The following PLCB4 variants were observed in gnomAD, a reference collection of about 807,000 sequenced individuals.
The protein encoded by PLCB4 is phospholipase C beta 4, also known as 1-phosphatidylinositol 4,5-bisphosphate phosphodiesterase beta-4.
PLCB4 carries 77 observed loss-of-function variants against 178.8 expected under a neutral mutation model. That is an observed-to-expected ratio of 0.43 (90% CI 0.36 to 0.52). The LOEUF is 0.52. Among genes scored for constraint, PLCB4 ranks in the 20% least tolerant of loss-of-function variants. PLCB4 has a pLI of 0.00. For synonymous variants in PLCB4, 496 were observed against 490.8 expected (o/e 1.01, Z -0.14); for missense variants, 1,024 against 1,453.4 (o/e 0.70, Z 4.80).
chr20:9,223,296 G>A (rs889490305), intron 3 of PLCB4, among the ~76,000 whole-genome samples: 2 of 152,178 alleles, frequency 1.3e-5, no homozygotes, highest in South Asian at 4.1e-4. Context: ...GAATTTTGCA[G>A]TACATGAAAT....
intron 3 of PLCB4, among the ~76,000 whole-genome samples, chr20:9,264,468 T>C (rs1183012192): frequency 6.6e-6 from 1 of 152,188 alleles, no homozygotes; most frequent in Non-Finnish European, 1.5e-5. Context: ...CTGTGGGCAA[T>C]CAGGTGGCCT....
chr20:9,216,006 T>A (rs1354240549), intron 2 of PLCB4, among the ~76,000 whole-genome samples: 1 of 152,168 alleles, frequency 6.6e-6, no homozygotes, highest in Non-Finnish European at 1.5e-5. Flanking sequence ...TTGTATTATA[T>A]GAATGTACCA....
chr20:9,211,798 C>T (rs904541541), intron 2 of PLCB4, among the ~76,000 whole-genome samples: 1 of 152,094 alleles, frequency 6.6e-6, no homozygotes, highest in Non-Finnish European at 1.5e-5. Flanking sequence ...GTGCTAATGC[C>T]CATGCATTCT....
intron 3 of PLCB4, among the ~76,000 whole-genome samples, chr20:9,262,253 GA>G (rs1222184214): frequency 6.6e-6 from 1 of 152,138 alleles, no homozygotes; most frequent in Non-Finnish European, 1.5e-5. Flanking sequence ...ACTATAATAA[GA>G]AAGAGTATGA....
Position 9,280,869 on chromosome 20 carries a change from G to A in PLCB4, c.-15-26931G>A, listed in dbSNP as rs1037120453. On this transcript the variant is annotated intron_variant, in intron 3 of 39. Coordinates refer to ENST00000378473, the MANE Select transcript of PLCB4 (RefSeq NM_001377142.1). ...CATGTGTTCATAATAACAGTGCCTG[G>A]AGGCATATTTGTATTATAGTTCAGC... Among the ~76,000 whole-genome samples, 3 of 151,032 alleles carry A rather than the reference G, an allele frequency of 2.0e-5. No individual in the cohort carries two copies. The South Asian group carries it at 6.3e-4, about 32-fold the overall frequency.
intron 2 of PLCB4, among the ~76,000 whole-genome samples, chr20:9,144,373 T>A (rs1007513950): frequency 3.9e-5 from 6 of 151,982 alleles, no homozygotes; most frequent in African/African-American, 1.4e-4. Context: ...TAGGGAAATA[T>A]GACACAAAGG....
chr20:9,346,732 T>G (rs1226896460), intron 7 of PLCB4, among the ~76,000 whole-genome samples: 3 of 152,104 alleles, frequency 2.0e-5, no homozygotes, highest in Admixed American at 2.0e-4. Context: ...AATAATTGAG[T>G]GCATATTCTT....
At chr20:9,087,935 G>T (rs1215005954) in intron 1 of PLCB4, among the ~76,000 whole-genome samples, 1 of 152,154 alleles carries the variant, frequency 6.6e-6, no homozygotes, top group Admixed American at 6.5e-5. Flanking sequence ...ATTCAAACAT[G>T]ACAACCTTCC....
At chr20:9,444,517 C>A (rs2042293590) in intron 32 of PLCB4, among the ~76,000 whole-genome samples, 1 of 152,184 alleles carries the variant, frequency 6.6e-6, no homozygotes, top group African/African-American at 2.4e-5. Flanking sequence ...GTAATCCCAG[C>A]ACTTTGGGAG....
chr20:9,108,399 C>A (rs1330478003), intron 2 of PLCB4, among the ~76,000 whole-genome samples: 3 of 151,996 alleles, frequency 2.0e-5, no homozygotes, highest in African/African-American at 7.2e-5. Context: ...AGGAGGAAAA[C>A]CAAGGGCATA....
At chr20:9,144,125 G>A (rs868631129) in intron 2 of PLCB4, among the ~76,000 whole-genome samples, 3 of 152,108 alleles carry the variant, frequency 2.0e-5, no homozygotes, top group Middle Eastern at 3.4e-3. Context: ...TTGAAATAAC[G>A]CATGCAGAAA....
chr20:9,475,138 G>A (rs750179566), intron 38 of PLCB4, among the ~76,000 whole-genome samples: 10 of 152,168 alleles, frequency 6.6e-5, no homozygotes, highest in Admixed American at 1.3e-4. Context: ...CACAGTGAAA[G>A]GTAAGGCACA....
intron 2 of PLCB4, among the ~76,000 whole-genome samples, chr20:9,214,252 T>G (rs925942278): frequency 1.3e-5 from 2 of 152,176 alleles, no homozygotes; most frequent in African/African-American, 4.8e-5. Flanking sequence ...TTTAAGAATT[T>G]TATAGTTTTA....
intron 12 of PLCB4, among the ~76,000 whole-genome samples, chr20:9,378,984 TC>T (rs1420225657): frequency 4.6e-5 from 7 of 152,194 alleles, no homozygotes; most frequent in Non-Finnish European, 1.5e-5. Context: ...TGTTTTTCAG[TC>T]CGTGCATATA....
chr20:9,150,328 T>C (rs1600728061), intron 2 of PLCB4, among the ~76,000 whole-genome samples: 1 of 152,184 alleles, frequency 6.6e-6, no homozygotes, highest in African/African-American at 2.4e-5. Flanking sequence ...TTTGACTGAT[T>C]TCTTCTCCAT....
intron 2 of PLCB4, among the ~76,000 whole-genome samples, chr20:9,099,629 C>T (rs2146621150): frequency 6.6e-6 from 1 of 152,042 alleles, no homozygotes; most frequent in Admixed American, 6.6e-5. Flanking sequence ...ATCACTAGGA[C>T]TGCTCCATGC....
At chr20:9,231,195 A>T (rs1308244572) in intron 3 of PLCB4, among the ~76,000 whole-genome samples, 1 of 152,104 alleles carries the variant, frequency 6.6e-6, no homozygotes, top group Admixed American at 6.6e-5. Flanking sequence ...ACTCTGGGTG[A>T]TAGTTTCCAT....
intron 3 of PLCB4, among the ~76,000 whole-genome samples, chr20:9,283,235 C>G (rs2094509751): frequency 6.6e-6 from 1 of 152,006 alleles, no homozygotes; most frequent in Non-Finnish European, 1.5e-5. Flanking sequence ...CCCCTGCCCC[C>G]AGCTGAGGCT....
intron 2 of PLCB4, among the ~76,000 whole-genome samples, chr20:9,102,432 A>G (rs370305478): frequency 1.3e-5 from 2 of 152,214 alleles, no homozygotes; most frequent in East Asian, 3.9e-4. Context: ...TTCGAGATAT[A>G]CATTTTGCTT....
Sources: gnomAD v4.1 joint callset for allele counts (sites outside exome capture counted in the v4.1 genomes callset) on GRCh38, gnomAD v4.1.1 for gene constraint, MANE v1.5 for transcripts, NCBI Gene and HGNC (gene_info 2026-07-23, HGNC 2026-07-21) for gene names.